Variants in LCLAT1 observed in about 807,000 individuals in gnomAD.
LCLAT1 encodes 1-AGP acyltransferase 8.
LCLAT1 carries 11 observed loss-of-function variants against 30.7 expected under a neutral mutation model. That is an observed-to-expected ratio of 0.36 (90% CI 0.23 to 0.59). LCLAT1 has a LOEUF of 0.59. LCLAT1 is among the 20% of genes least tolerant of loss of function. The probability of loss-of-function intolerance (pLI) is 0.77; values close to 1 mark genes in which losing one functional copy is unlikely to be tolerated. For missense variants in LCLAT1, 402 were observed against 458.6 expected (o/e 0.88, Z 1.13); for synonymous variants, 155 against 151.3 (o/e 1.02, Z -0.18).
chr2:30,528,101 C>G (rs890795488), intron 2 of LCLAT1, among the ~76,000 whole-genome samples: 2 of 152,198 alleles, frequency 1.3e-5, no homozygotes, highest in African/African-American at 2.4e-5. Flanking sequence ...AAGTCCAGAG[C>G]AAATGCTTTC....
intron 1 of LCLAT1, among the ~76,000 whole-genome samples, chr2:30,454,293 T>C (rs1013765379): frequency 5.9e-5 from 9 of 152,212 alleles, no homozygotes; most frequent in African/African-American, 1.9e-4. Flanking sequence ...CATTTCAAAA[T>C]TCAGTAAAAT....
intron 5 of LCLAT1, among the ~76,000 whole-genome samples, chr2:30,580,902 A>C (rs972965773): frequency 5.3e-5 from 8 of 152,168 alleles, no homozygotes; most frequent in African/African-American, 1.9e-4. Context: ...AAGATAAAAT[A>C]AGACCTGTTG....
rs1296301740 is a variant in LCLAT1 at position 30,459,999 on chromosome 2, T to G, written c.-5+12616T>G. Among the ~76,000 whole-genome samples, 7 of 152,242 alleles carry G rather than the reference T, an allele frequency of 4.6e-5. No individual in the cohort carries two copies. In the East Asian group the frequency reaches 1.3e-3, roughly 29 times the overall value. On this transcript the variant is annotated intron_variant, in intron 1 of 5. Transcript: ENST00000379509. The stretch of plus-strand genomic sequence containing the variant: ...TGGTTGTGTGATTCTTTTTGGATCT[T>G]TATTTTAAAGATTAGGTACCATTTT...
intron 1 of LCLAT1, among the ~76,000 whole-genome samples, chr2:30,454,832 T>C (rs1484506770): frequency 6.6e-6 from 1 of 152,212 alleles, no homozygotes; most frequent in East Asian, 1.9e-4. Flanking sequence ...CTTTGTTCAC[T>C]AAGAATGGGA....
rs375529358 is a variant in LCLAT1 at position 30,533,299 on chromosome 2, G to A, written c.349G>A (p.Gly117Ser). 52 of 1,613,804 alleles carry A rather than the reference G, an allele frequency of 3.2e-5. No individual in the cohort carries two copies. Among genetic ancestry groups the A allele is most frequent in the Admixed American group, 8.3e-5 (5 of 59,996 alleles). ...EKICLKASLK[G>S]VPGFGWAMQA... ...AATTTGCCTCAAAGCGAGTCTCAAA[G>A]GTGTTCCTGGATTTGGTAGGTTATT... The change falls in exon 3 of 6, where the codon GGT becomes AGT. Residue 117 changes from glycine to serine, a missense_variant. By Grantham distance (56) the Gly-to-Ser change is moderately conservative (BLOSUM62 0). Coordinates refer to ENST00000379509, the MANE Select transcript of LCLAT1 (RefSeq NM_001002257.3).
At chr2:30,465,854 CAA>C (rs1682391803) in intron 1 of LCLAT1, among the ~76,000 whole-genome samples, 1 of 152,050 alleles carries the variant, frequency 6.6e-6, no homozygotes, top group Non-Finnish European at 1.5e-5. Flanking sequence ...CATGAAAGAA[CAA>C]AAGTCTTCTT....
At chr2:30,469,106 T>C (rs1038010285) in intron 1 of LCLAT1, among the ~76,000 whole-genome samples, 1 of 152,174 alleles carries the variant, frequency 6.6e-6, no homozygotes, top group Non-Finnish European at 1.5e-5. Context: ...TTATTTGTCT[T>C]TTTGTTGTTG....
chr2:30,471,908 A>G (rs1682814393), intron 1 of LCLAT1, among the ~76,000 whole-genome samples: 1 of 152,176 alleles, frequency 6.6e-6, no homozygotes, highest in African/African-American at 2.4e-5. Context: ...GTTGAATAAC[A>G]GTGGTGAAAG....
chr2:30,576,844 C>A (rs1278583470), intron 5 of LCLAT1, among the ~76,000 whole-genome samples: 1 of 151,512 alleles, frequency 6.6e-6, no homozygotes, highest in East Asian at 1.9e-4. Flanking sequence ...TTATTAGAAC[C>A]TTTTTTTGCA....
At chr2:30,449,682 T>G (rs1015861085) in intron 1 of LCLAT1, among the ~76,000 whole-genome samples, 1 of 152,170 alleles carries the variant, frequency 6.6e-6, no homozygotes, top group Non-Finnish European at 1.5e-5. Context: ...GTATTGTTAG[T>G]AGAGACGGGG....
At chr2:30,558,442 A>G (rs1398064190) in intron 3 of LCLAT1, among the ~76,000 whole-genome samples, 7 of 152,068 alleles carry the variant, frequency 4.6e-5, no homozygotes, top group Non-Finnish European at 8.8e-5. Flanking sequence ...TCTACTAAAA[A>G]TACAAAAATT....
intron 3 of LCLAT1, among the ~76,000 whole-genome samples, chr2:30,553,515 A>G (rs964085639): frequency 2.0e-5 from 3 of 152,232 alleles, no homozygotes; most frequent in African/African-American, 7.2e-5. Context: ...TGCAGTGGAA[A>G]AGTATGAAAA....
intron 1 of LCLAT1, among the ~76,000 whole-genome samples, chr2:30,519,387 G>A (rs566006462): frequency 7.9e-5 from 12 of 152,218 alleles, no homozygotes; most frequent in Non-Finnish European, 1.2e-4. Flanking sequence ...CTCCCCTACC[G>A]AGGAAATCTC....
At chr2:30,638,399 C>T (rs1366804368) in intron 5 of LCLAT1, among the ~76,000 whole-genome samples, 2 of 152,146 alleles carry the variant, frequency 1.3e-5, no homozygotes, top group Non-Finnish European at 2.9e-5. Flanking sequence ...GAATGTGTCA[C>T]CCAGAAAATT....
intron 4 of LCLAT1, among the ~76,000 whole-genome samples, chr2:30,563,419 G>C (rs986137098): frequency 6.6e-6 from 1 of 152,154 alleles, no homozygotes; most frequent in Non-Finnish European, 1.5e-5. Context: ...GGGTGATGGT[G>C]GGGGCATAGC....
chr2:30,500,913 A>G, intron 1 of LCLAT1, among the ~76,000 whole-genome samples: 1 of 152,084 alleles, frequency 6.6e-6, no homozygotes, highest in East Asian at 1.9e-4. Flanking sequence ...ATCAGGCCTC[A>G]CAGATAGTAT....
intron 5 of LCLAT1, among the ~76,000 whole-genome samples, chr2:30,603,908 A>G (rs1192366222): frequency 6.6e-6 from 1 of 152,180 alleles, no homozygotes; most frequent in Non-Finnish European, 1.5e-5. Flanking sequence ...TCTCTAGAAA[A>G]TTAAGCAAAG....
chr2:30,533,327 C>T lies in LCLAT1; in HGVS notation c.364+13C>T. 1.9e-6 allele frequency: 3 copies of T among 1,608,448 alleles called. No homozygotes were observed. The highest frequency in any genetic ancestry group is 2.2e-5 in the East Asian group (1 of 44,828). ...GTTCCTGGATTTGGTAGGTTATTCA[C>T]ACATTATTTTAAGTGGTTCATTCAT... On this transcript the variant is annotated intron_variant, in intron 3 of 5. Transcript: ENST00000379509.
intron 1 of LCLAT1, among the ~76,000 whole-genome samples, chr2:30,456,307 C>T (rs1017454521): frequency 6.6e-6 from 1 of 152,182 alleles, no homozygotes; most frequent in South Asian, 2.1e-4. Context: ...TCCTCTGATA[C>T]CACGCCAGTG....
Sources: gnomAD v4.1 joint callset for allele counts (sites outside exome capture counted in the v4.1 genomes callset) on GRCh38, gnomAD v4.1.1 for gene constraint, MANE v1.5 for transcripts, NCBI Gene and HGNC (gene_info 2026-07-23, HGNC 2026-07-21) for gene names.